IHO1: variants seen among roughly 807,000 people sequenced by gnomAD.
IHO1 encodes interactor of HORMAD1 1.
In IHO1, 13 loss-of-function variants were observed where a neutral mutation model predicts 31.0. That is an observed-to-expected ratio of 0.42 (90% CI 0.27 to 0.67). The LOEUF is 0.67. Ranked by LOEUF, IHO1 falls within the 30% of genes least tolerant of loss-of-function variation. IHO1 has a pLI of 0.24. For synonymous variants in IHO1, 221 were observed against 248.4 expected (o/e 0.89, Z 1.04); for missense variants, 599 against 687.5 (o/e 0.87, Z 1.44).
rs924517352 is a variant in IHO1 at position 49,231,589 on chromosome 3, G to A, written c.57-4959G>A. 4.6e-5 allele frequency among the ~76,000 whole-genome samples: 7 copies of A among 152,180 alleles called. No individual in the cohort carries two copies. In the East Asian group the frequency reaches 1.3e-3, roughly 29 times the overall value. ...TCATTCCACACAATTAATTGAAAAT[G>A]TGCAGTTAATGATTTCATACAGATG... On this transcript the variant is annotated intron_variant, in intron 2 of 7. Coordinates refer to ENST00000452691, the MANE Select transcript of IHO1 (RefSeq NM_001135197.2).
At chr3:49,210,029 C>CTT (rs966102422) in intron 1 of IHO1, among the ~76,000 whole-genome samples, 5 of 136,580 alleles carry the variant, frequency 3.7e-5, no homozygotes, top group Non-Finnish European at 7.9e-5. Flanking sequence ...TTCTTTCTTT[C>CTT]TTTTTTTTTT....
chr3:49,232,556 C>T (rs928021127), intron 2 of IHO1, among the ~76,000 whole-genome samples: 8 of 152,164 alleles, frequency 5.3e-5, no homozygotes, highest in African/African-American at 7.2e-5. Flanking sequence ...CATTTAAAGC[C>T]TTAACTATGA....
chr3:49,256,895 C>G lies in IHO1; in HGVS notation c.1398C>G (p.Ile466Met), dbSNP rs2046832789. ...CCAGCAAGCAAAAACAAATCCCAAT[C>G]CAGACCTGTAAATTCAATTCCAAAT... ...LIASKQKQIP[I>M]QTCKFNSKYQ... is the part of the protein sequence containing the mutation. The change falls in exon 8 of 8, where the codon ATC (isoleucine) becomes ATG (methionine). Residue 466 changes from isoleucine (I) to methionine (M), a missense_variant. Physicochemically the swap from Ile to Met is conservative, Grantham distance 10. Coordinates refer to ENST00000452691, the MANE Select transcript of IHO1 (RefSeq NM_001135197.2). This position sits in a 1 kb window ranked among gnomAD's most constrained non-coding sequence, Gnocchi z 4.6. The G allele has an allele frequency of 6.2e-7, 1 of 1,614,120 alleles. No individual in the cohort carries two copies. The highest frequency in any genetic ancestry group is 1.3e-5 in the African/African-American group (1 of 74,940).
intron 1 of IHO1, among the ~76,000 whole-genome samples, chr3:49,210,754 G>A (rs2046201411): frequency 6.9e-6 from 1 of 144,590 alleles, no homozygotes; most frequent in Non-Finnish European, 1.5e-5. Flanking sequence ...CTGGAGTGCA[G>A]TCGTGTGACC....
At chr3:49,248,397 C>A (rs1275718959) in intron 6 of IHO1, among the ~76,000 whole-genome samples, 2 of 151,180 alleles carry the variant, frequency 1.3e-5, no homozygotes, top group Non-Finnish European at 2.9e-5. Flanking sequence ...CCAGCCTGGG[C>A]GATAGAACCA....
intron 3 of IHO1, among the ~76,000 whole-genome samples, chr3:49,237,416 T>C (rs1007706770): frequency 2.0e-5 from 3 of 152,138 alleles, no homozygotes; most frequent in African/African-American, 7.2e-5. Context: ...AAATTACTTA[T>C]TCTGTTGGAA....
Position 49,257,171 on chromosome 3 carries a change from C to T in IHO1, c.1674C>T (p.Ser558=). 1.9e-6 allele frequency: 3 copies of T among 1,614,160 alleles called. No homozygotes were observed. The highest frequency in any genetic ancestry group is 1.7e-6 in the Non-Finnish European group (2 of 1,180,042). The change falls in exon 8 of 8, where the codon AGC becomes AGT. Residue 558 remains serine (S), a synonymous_variant. Coordinates refer to ENST00000452691, the MANE Select transcript of IHO1 (RefSeq NM_001135197.2). The stretch of plus-strand genomic sequence containing the variant: ...GTTCCCAGGGGGACCACCAGATGAG[C>T]TGGTTCAGTGACCTCAATCTCGGAT... ...SSSSQGDHQM[S]WFSDLNLGCS... is the part of the protein sequence containing the mutation.
At chr3:49,252,758 A>G (rs2107741540) in intron 6 of IHO1, among the ~76,000 whole-genome samples, 1 of 152,180 alleles carries the variant, frequency 6.6e-6, no homozygotes, top group East Asian at 1.9e-4. Context: ...TAGACTGTAG[A>G]ATTCGGCCGG....
intron 2 of IHO1, among the ~76,000 whole-genome samples, chr3:49,217,642 T>TAA (rs3083866): frequency 1.4e-5 from 2 of 147,288 alleles, no homozygotes; most frequent in Non-Finnish European, 1.5e-5. Flanking sequence ...TAAAGTATAA[T>TAA]AAAAAAAAAA....
At chr3:49,204,416 C>T (rs1002286785) in intron 1 of IHO1, among the ~76,000 whole-genome samples, 2 of 152,030 alleles carry the variant, frequency 1.3e-5, no homozygotes, top group Admixed American at 1.3e-4. Flanking sequence ...TGTCCTGGAA[C>T]CAATCCTCCA....
chr3:49,247,369 T>C (rs940664639), intron 6 of IHO1, among the ~76,000 whole-genome samples: 1 of 151,812 alleles, frequency 6.6e-6, no homozygotes, highest in African/African-American at 2.4e-5. Flanking sequence ...ACCAGTCTCA[T>C]GCAGGTGCAT....
intron 1 of IHO1, among the ~76,000 whole-genome samples, chr3:49,210,119 C>A (rs915834741): frequency 6.6e-6 from 1 of 151,588 alleles, no homozygotes; most frequent in Non-Finnish European, 1.5e-5. Context: ...GCCTTGAATT[C>A]CTGGGCTCAA....
At chr3:49,245,237 A>T (rs1353069197) in intron 6 of IHO1, 3 of 162,216 alleles carry the variant, frequency 1.8e-5, no homozygotes, top group Non-Finnish European at 4.0e-5. Flanking sequence ...CCCAGGCTGG[A>T]GTGCAGTGGC....
At chr3:49,222,427 G>GA (rs1023712283) in intron 2 of IHO1, among the ~76,000 whole-genome samples, 1 of 152,104 alleles carries the variant, frequency 6.6e-6, no homozygotes, top group African/African-American at 2.4e-5. Context: ...GGAAGGTAAG[G>GA]AGGGTGCTCT....
At chr3:49,212,551 A>C (rs566340824) in intron 2 of IHO1, among the ~76,000 whole-genome samples, 1 of 151,382 alleles carries the variant, frequency 6.6e-6, no homozygotes, top group East Asian at 1.9e-4. Context: ...CCTTCCCATC[A>C]GGTTATAATA....
chr3:49,252,256 A>C (rs1250669898), intron 6 of IHO1: 1 of 156,712 alleles, frequency 6.4e-6, no homozygotes, highest in African/African-American at 2.4e-5. Context: ...GTTGTTATCC[A>C]TTAGTGTTTG....
intron 4 of IHO1, among the ~76,000 whole-genome samples, chr3:49,241,590 G>A (rs1333256628): frequency 6.6e-6 from 1 of 151,518 alleles, no homozygotes; most frequent in Non-Finnish European, 1.5e-5. Flanking sequence ...CAGAGAAAGA[G>A]GGAGAAAGAG....
chr3:49,255,895 C>T (rs1415558049), intron 7 of IHO1, among the ~76,000 whole-genome samples: 1 of 151,874 alleles, frequency 6.6e-6, no homozygotes, highest in Non-Finnish European at 1.5e-5. Context: ...GACAAGAGGC[C>T]AGCACAGGCC....
At chr3:49,198,093 G>A (rs1473067909), upstream of IHO1, among the ~76,000 whole-genome samples, 2 of 152,136 alleles carry the variant, frequency 1.3e-5, no homozygotes, top group African/African-American at 2.4e-5. Context: ...TTCACTCAGC[G>A]TAATTATTTT....
Sources: allele counts gnomAD v4.1 joint callset (sites outside exome capture counted in the v4.1 genomes callset), GRCh38; gene constraint gnomAD v4.1.1; non-coding constraint Gnocchi (gnomAD v3.1); transcripts MANE v1.5; gene names NCBI Gene and HGNC (gene_info 2026-07-23, HGNC 2026-07-21).